The following SNX27 variants were observed in gnomAD, a reference collection of about 807,000 sequenced individuals.
SNX27 encodes the protein sorting nexin-27.
Under a neutral mutation model 71.6 loss-of-function variants are expected in SNX27, and 22 were observed. The ratio of observed to expected loss-of-function variants is 0.31; its 90% CI spans 0.22 to 0.44. The LOEUF (loss-of-function observed/expected upper bound fraction) is 0.44. SNX27 is among the 20% of genes least tolerant of loss of function. The pLI is 1.00. For synonymous variants in SNX27, 269 were observed against 277.2 expected, an observed-to-expected ratio of 0.97 and a Z score of 0.29; for missense variants, 531 against 698.6, an observed-to-expected ratio of 0.76 and a Z score of 2.70.
intron 1 of SNX27, among the ~76,000 whole-genome samples, chr1:151,618,327 T>A (rs1233019641): frequency 1.3e-5 from 2 of 152,250 alleles, no homozygotes; most frequent in Non-Finnish European, 2.9e-5. Context: ...ATTATTGCTA[T>A]CTTTACCCTG....
At chr1:151,628,089 C>T (rs1381462252) in intron 1 of SNX27, among the ~76,000 whole-genome samples, 3 of 150,946 alleles carry the variant, frequency 2.0e-5, no homozygotes, top group African/African-American at 4.9e-5. Context: ...TCACTGCAAC[C>T]TACACCTCCT....
At position 151,643,655 on chromosome 1, in the gene SNX27, G is replaced by GT. The variant is rs1049957078; in HGVS notation, c.543+4544dup. Reference sequence around the variant, plus strand: ...GTTCACCTAAAGTGCACAATTTAGGGTTTTTTTTATTTTTTTATTTTTTAG... The same window carrying GT: ...GTTCACCTAAAGTGCACAATTTAGGGTTTTTTTTTATTTTTTTATTTTTTAG... On this transcript the variant is annotated intron_variant, in intron 2 of 11. Coordinates refer to ENST00000458013, the MANE Select transcript of SNX27 (RefSeq NM_001330723.2). Among the ~76,000 whole-genome samples the GT allele has an allele frequency of 3.0e-4, 46 of 151,512 alleles. 1 individual carries two copies. Among genetic ancestry groups the GT allele is most frequent in the East Asian group, 7.8e-4 (4 of 5,146 alleles).
At chr1:151,623,474 C>T (rs1470632558) in intron 1 of SNX27, among the ~76,000 whole-genome samples, 1 of 152,052 alleles carries the variant, frequency 6.6e-6, no homozygotes, top group African/African-American at 2.4e-5. Context: ...CCATGTTGGC[C>T]AGTCTGGTCT....
chr1:151,685,326 A>G (rs1407158448), intron 8 of SNX27: 1 of 152,144 alleles, frequency 6.6e-6, no homozygotes, highest in African/African-American at 2.4e-5. Context: ...ATTCTTTTGT[A>G]CCTTCTGTGT....
chr1:151,649,195 C>T (rs148618984), intron 2 of SNX27, among the ~76,000 whole-genome samples: 1,883 of 151,876 alleles, frequency 0.012, 45 homozygotes, highest in African/African-American at 0.044. Context: ...CTCCTGACCT[C>T]GTGATCCACC....
chr1:151,692,189 A>T (rs1245946124), intron 8 of SNX27, among the ~76,000 whole-genome samples: 1 of 152,044 alleles, frequency 6.6e-6, no homozygotes, highest in Non-Finnish European at 1.5e-5. Flanking sequence ...ATGCTACTGC[A>T]CTCCAGCCTA....
Position 151,641,706 on chromosome 1 carries a change from T to C in SNX27, c.543+2587T>C, listed in dbSNP as rs1242993060. 2.1e-5 allele frequency among the ~76,000 whole-genome samples: 3 copies of C among 140,972 alleles called. No individual in the cohort carries two copies. The South Asian group carries it at 6.7e-4, about 31-fold the overall frequency. 92.5% of individuals were successfully genotyped at this position (140,972 alleles called of 152,430 possible). ...TCTGATATATATATCATATATATGA[T>C]ATATATAGCATATGATATATATCAG... is the stretch of plus-strand genomic sequence containing the variant. On this transcript the variant is annotated intron_variant, in intron 2 of 11. Coordinates refer to ENST00000458013, the MANE Select transcript of SNX27 (RefSeq NM_001330723.2).
intron 2 of SNX27, among the ~76,000 whole-genome samples, chr1:151,653,957 CTAG>C (rs1669558253): frequency 6.6e-6 from 1 of 152,004 alleles, no homozygotes. Flanking sequence ...CTCATCCTCC[CTAG>C]TAGTTGGGAC....
At chr1:151,662,904 A>T (rs1356049219) in intron 5 of SNX27, among the ~76,000 whole-genome samples, 1 of 146,592 alleles carries the variant, frequency 6.8e-6, no homozygotes, top group Non-Finnish European at 1.6e-5. Context: ...CATTTGCGTT[A>T]TGTATGTCTT....
At chr1:151,660,460 C>T (rs887588327) in intron 3 of SNX27, 1 of 179,718 alleles carries the variant, frequency 5.6e-6, no homozygotes, top group Non-Finnish European at 1.2e-5. Flanking sequence ...ACCACTACCT[C>T]TTTACCCCAT....
chr1:151,660,915 A>G (rs1277892912), intron 4 of SNX27, 53 bp downstream of exon 4: 6 of 1,322,932 alleles, frequency 4.5e-6, no homozygotes, highest in Admixed American at 1.7e-5. Context: ...CTTGTGGGGG[A>G]AAATAAGTTA....
intron 2 of SNX27, among the ~76,000 whole-genome samples, chr1:151,653,845 T>TG (rs1669551819): frequency 2.0e-5 from 3 of 150,094 alleles, no homozygotes; most frequent in Admixed American, 6.6e-5. Flanking sequence ...TGTTTTTTTT[T>TG]TTTTTTGAGA....
chr1:151,698,294 A>G lies in SNX27; in HGVS notation c.*3877A>G, dbSNP rs1459901992. On this transcript the variant is annotated 3_prime_UTR_variant, in exon 12 of 12. Transcript: ENST00000458013. ...CTCTCTCCTATCTCAGAATTTGCCA[A>G]CTTCTGGGCTGGGCTCCTAGGAGGT... 1.3e-5 allele frequency: 2 copies of G among 152,592 alleles called. No individual in the cohort carries two copies. Among genetic ancestry groups the G allele is most frequent in the East Asian group, 3.9e-4 (2 of 5,194 alleles). 9.5% of individuals were successfully genotyped at this position (152,592 alleles called of 1,614,324 possible).
chr1:151,653,836 G>GTTTT (rs60604221), intron 2 of SNX27, among the ~76,000 whole-genome samples: 5 of 129,736 alleles, frequency 3.9e-5, no homozygotes, highest in South Asian at 2.5e-4. Context: ...AGTTTTTTTT[G>GTTTT]TTTTTTTTTT....
intron 2 of SNX27, 25 bp from the exon 3 acceptor site, chr1:151,658,210 T>C (rs1343905363): frequency 6.3e-7 from 1 of 1,577,940 alleles, no homozygotes; most frequent in South Asian, 1.2e-5. Context: ...AAGTATGCTT[T>C]TCTTTTGTTC....
intron 1 of SNX27, among the ~76,000 whole-genome samples, chr1:151,632,847 A>G (rs1366110699): frequency 6.6e-6 from 1 of 151,594 alleles, no homozygotes; most frequent in Admixed American, 6.6e-5. Flanking sequence ...TTATATAATA[A>G]TTTTTATTTT....
chr1:151,643,394 A>G (rs1383733487), intron 2 of SNX27, among the ~76,000 whole-genome samples: 3 of 151,826 alleles, frequency 2.0e-5, no homozygotes, highest in Non-Finnish European at 4.4e-5. Flanking sequence ...TCCCGGGTTC[A>G]AGCAATTCTC....
intron 8 of SNX27, among the ~76,000 whole-genome samples, chr1:151,686,083 A>G (rs569938734): frequency 2.0e-5 from 3 of 152,352 alleles, no homozygotes; most frequent in South Asian, 4.1e-4. Flanking sequence ...CAACTTCTGC[A>G]GTAATCCTTT....
At chr1:151,673,031 C>G (rs1281724428) in intron 7 of SNX27, among the ~76,000 whole-genome samples, 1 of 151,110 alleles carries the variant, frequency 6.6e-6, no homozygotes, top group Non-Finnish European at 1.5e-5. Flanking sequence ...TTGGTTTGCT[C>G]TTGCTTTTCT....
Sources: gnomAD v4.1 joint callset for allele counts (sites outside exome capture counted in the v4.1 genomes callset) on GRCh38, gnomAD v4.1.1 for gene constraint, MANE v1.5 for transcripts, NCBI Gene and HGNC (gene_info 2026-07-23, HGNC 2026-07-21) for gene names.